Variants in ZBTB7C observed in about 807,000 individuals in gnomAD.
ZBTB7C encodes zinc finger and BTB domain containing 7C.
ZBTB7C carries 8 observed loss-of-function variants against 25.7 expected under a neutral mutation model. That is an observed-to-expected ratio of 0.31 (90% CI 0.18 to 0.56). The LOEUF is 0.56. Ranked by LOEUF, ZBTB7C falls within the 20% of genes least tolerant of loss-of-function variation. The pLI is 0.91. For synonymous variants in ZBTB7C, 394 were observed against 369.0 expected (o/e 1.07, Z -0.78); for missense variants, 824 against 855.2 (o/e 0.96, Z 0.46).
chr18:48,091,285 G>A (rs1419381732), intron 3 of ZBTB7C, among the ~76,000 whole-genome samples: 1 of 90,924 alleles, frequency 1.1e-5, no homozygotes, highest in African/African-American at 4.6e-5. Flanking sequence ...GTCTTGTTAT[G>A]TTGCCCAGGC....
intron 3 of ZBTB7C, among the ~76,000 whole-genome samples, chr18:48,168,976 G>A (rs181885640): frequency 1.8e-4 from 28 of 152,320 alleles, no homozygotes; most frequent in African/African-American, 6.0e-4. Context: ...AAGTGGCTGA[G>A]GTAAGACACC....
intron 3 of ZBTB7C, among the ~76,000 whole-genome samples, chr18:48,081,412 G>A (rs1039689153): frequency 6.6e-6 from 1 of 151,620 alleles, no homozygotes; most frequent in Non-Finnish European, 1.5e-5. Context: ...TAAAGGCTGT[G>A]GTTTTGCTCA....
intron 2 of ZBTB7C, among the ~76,000 whole-genome samples, chr18:48,249,257 A>G (rs983647728): frequency 6.6e-6 from 1 of 152,214 alleles, no homozygotes; most frequent in South Asian, 2.1e-4. Context: ...TAATGCCTCT[A>G]TTAGGAATTA....
At chr18:48,227,708 A>G (rs2043140659) in intron 2 of ZBTB7C, among the ~76,000 whole-genome samples, 1 of 152,216 alleles carries the variant, frequency 6.6e-6, no homozygotes, top group Non-Finnish European at 1.5e-5. Context: ...CCTTACCACA[A>G]AAATTTTCAC....
chr18:48,364,830 A>T (rs1053626634), intron 1 of ZBTB7C, among the ~76,000 whole-genome samples: 3 of 152,212 alleles, frequency 2.0e-5, no homozygotes, highest in Non-Finnish European at 4.4e-5. Context: ...TATGTAATAC[A>T]TTGTTCTGCC....
intron 1 of ZBTB7C, among the ~76,000 whole-genome samples, chr18:48,339,804 T>C (rs1598905927): frequency 2.6e-5 from 4 of 152,190 alleles, no homozygotes; most frequent in East Asian, 1.9e-4. Context: ...AACAGAGTGA[T>C]AAATAAGAAA....
At chr18:48,074,309 C>T (rs981977876) in intron 3 of ZBTB7C, among the ~76,000 whole-genome samples, 14 of 152,192 alleles carry the variant, frequency 9.2e-5, no homozygotes, top group Admixed American at 7.2e-4. Context: ...CCACCACGCC[C>T]GGCCCATTAT....
intron 2 of ZBTB7C, among the ~76,000 whole-genome samples, chr18:48,269,055 G>C (rs1193031306): frequency 2.0e-5 from 3 of 149,952 alleles, no homozygotes; most frequent in East Asian, 2.0e-4. Flanking sequence ...CTGCCTCCCA[G>C]GTTCAAGTGA....
At chr18:48,241,798 T>C (rs1314476282) in intron 2 of ZBTB7C, among the ~76,000 whole-genome samples, 1 of 151,346 alleles carries the variant, frequency 6.6e-6, no homozygotes, top group Non-Finnish European at 1.5e-5. Flanking sequence ...CTCAAGGAAC[T>C]AGAAAAACAA....
chr18:48,392,439 G>T (rs558340304), intron 1 of ZBTB7C, among the ~76,000 whole-genome samples: 114 of 152,344 alleles, frequency 7.5e-4, no homozygotes, highest in African/African-American at 2.6e-3. Context: ...AGCTATGGCT[G>T]TGTTTCTCTG....
intron 3 of ZBTB7C, among the ~76,000 whole-genome samples, chr18:48,062,882 G>A (rs2144334835): frequency 6.6e-6 from 1 of 152,338 alleles, no homozygotes. Flanking sequence ...CTTAGGCATG[G>A]CCAAGATGCT....
At chr18:48,045,180 C>T (rs903373032) in intron 3 of ZBTB7C, among the ~76,000 whole-genome samples, 8 of 152,200 alleles carry the variant, frequency 5.3e-5, no homozygotes, top group Non-Finnish European at 8.8e-5. Context: ...AGGCAAGGGC[C>T]GGCAGGGCAG....
chr18:48,164,106 A>G (rs748519371), intron 3 of ZBTB7C, among the ~76,000 whole-genome samples: 11 of 152,210 alleles, frequency 7.2e-5, no homozygotes, highest in African/African-American at 7.2e-5. Context: ...ACCAAATCAA[A>G]TTAAATTAAT....
At chr18:48,142,697 A>G (rs2040385091) in intron 3 of ZBTB7C, among the ~76,000 whole-genome samples, 1 of 152,076 alleles carries the variant, frequency 6.6e-6, no homozygotes, top group Non-Finnish European at 1.5e-5. Flanking sequence ...TGGATCCCAG[A>G]GGAGGAGGGC....
chr18:48,298,807 T>C (rs2144729501), intron 2 of ZBTB7C, among the ~76,000 whole-genome samples: 1 of 152,314 alleles, frequency 6.6e-6, no homozygotes, highest in South Asian at 2.1e-4. Context: ...TCCTCTGGGC[T>C]CTGCAGATCC....
chr18:48,351,293 A>G (rs1430926713), intron 1 of ZBTB7C, among the ~76,000 whole-genome samples: 2 of 151,900 alleles, frequency 1.3e-5, no homozygotes, highest in African/African-American at 2.4e-5. Context: ...GATTGCTGCC[A>G]CTCAAAATCC....
chr18:48,352,755 A>G (rs2046893269), intron 1 of ZBTB7C, among the ~76,000 whole-genome samples: 1 of 152,158 alleles, frequency 6.6e-6, no homozygotes, highest in African/African-American at 2.4e-5. Context: ...GGCTAAGTTC[A>G]GGACAGAAGA....
intron 3 of ZBTB7C, among the ~76,000 whole-genome samples, chr18:48,089,194 TG>T (rs2038311246): frequency 6.6e-6 from 1 of 152,014 alleles, no homozygotes; most frequent in Non-Finnish European, 1.5e-5. Flanking sequence ...TTAGGCCGGG[TG>T]CAGTGGCTCA....
Position 48,105,069 on chromosome 18 carries a change from G to A in ZBTB7C, c.-16-63946C>T, listed in dbSNP as rs573661618. On this transcript the variant is annotated intron_variant, in intron 3 of 4. Transcript: ENST00000590800. ...CTTTCAACAGGATAGCTGCCCCCACGGGGTTAAACCTTGTCCAGAGTGTTT... is the reference window on the plus strand; with the variant it reads ...CTTTCAACAGGATAGCTGCCCCCACAGGGTTAAACCTTGTCCAGAGTGTTT... Among the ~76,000 whole-genome samples, 6 of 152,300 alleles carry A rather than the reference G, an allele frequency of 3.9e-5. No individual in the cohort carries two copies. In the South Asian group the frequency reaches 8.3e-4, roughly 21 times the overall value.
Sources: gnomAD v4.1 joint callset for allele counts (sites outside exome capture counted in the v4.1 genomes callset) on GRCh38, gnomAD v4.1.1 for gene constraint, MANE v1.5 for transcripts, NCBI Gene and HGNC (gene_info 2026-07-23, HGNC 2026-07-21) for gene names.